The following DLGAP1 variants were observed in gnomAD, a reference collection of about 807,000 sequenced individuals.
DLGAP1 encodes DLG associated protein 1, also known as disks large-associated protein 1.
Under a neutral mutation model 90.8 loss-of-function variants are expected in DLGAP1, and 11 were observed. The ratio of observed to expected loss-of-function variants is 0.12; its 90% CI spans 0.08 to 0.20. The LOEUF (loss-of-function observed/expected upper bound fraction) is 0.20. Ranked by LOEUF, DLGAP1 falls within the 10% of genes least tolerant of loss-of-function variation. The pLI, the probability that DLGAP1 is intolerant of heterozygous loss-of-function variation, is 1.00. For missense variants in DLGAP1, 1,050 were observed against 1,333.8 expected (o/e 0.79, Z 3.31); for synonymous variants, 558 against 540.7 (o/e 1.03, Z -0.44).
chr18:3,549,078 A>G (rs2053227895), intron 9 of DLGAP1, among the ~76,000 whole-genome samples: 1 of 152,174 alleles, frequency 6.6e-6, no homozygotes, highest in African/African-American at 2.4e-5. Flanking sequence ...GGATTATTTC[A>G]TTTCAGGAAA....
chr18:3,920,193 A>G (rs2072235544), intron 3 of DLGAP1, among the ~76,000 whole-genome samples: 1 of 151,930 alleles, frequency 6.6e-6, no homozygotes, highest in South Asian at 2.1e-4. Context: ...AAATACAAAA[A>G]TTAGCCAGGC....
At chr18:4,122,767 A>C in intron 2 of DLGAP1, among the ~76,000 whole-genome samples, 1 of 152,172 alleles carries the variant, frequency 6.6e-6, no homozygotes, top group Non-Finnish European at 1.5e-5. Flanking sequence ...AAAGCTGGAG[A>C]GGCGAGACTT....
At chr18:4,036,745 G>A (rs1163626815) in intron 2 of DLGAP1, among the ~76,000 whole-genome samples, 1 of 152,050 alleles carries the variant, frequency 6.6e-6, no homozygotes, top group African/African-American at 2.4e-5. Context: ...AATTTTTCAG[G>A]GGGGGAAGGC....
intron 1 of DLGAP1, among the ~76,000 whole-genome samples, chr18:4,358,936 A>T: frequency 6.6e-6 from 1 of 152,212 alleles, no homozygotes; most frequent in East Asian, 1.9e-4. Flanking sequence ...TCCGTTCTCC[A>T]TGTGTTTAAC....
intron 3 of DLGAP1, among the ~76,000 whole-genome samples, chr18:3,966,446 G>T (rs1350393703): frequency 6.6e-6 from 1 of 152,144 alleles, no homozygotes; most frequent in African/African-American, 2.4e-5. Flanking sequence ...ATGAACCATT[G>T]GAGGTAAGAG....
intron 1 of DLGAP1, among the ~76,000 whole-genome samples, chr18:4,243,609 A>C (rs2078591372): frequency 6.6e-6 from 1 of 152,224 alleles, no homozygotes; most frequent in African/African-American, 2.4e-5. Context: ...TGAATACAAA[A>C]CAAAACAATG....
chr18:4,053,820 G>C (rs532126445), intron 2 of DLGAP1, among the ~76,000 whole-genome samples: 37 of 152,190 alleles, frequency 2.4e-4, no homozygotes, highest in African/African-American at 8.9e-4. Flanking sequence ...CTTGTTTCTG[G>C]AATTATGGGT....
At chr18:4,149,191 T>C (rs2076632991) in intron 2 of DLGAP1, among the ~76,000 whole-genome samples, 1 of 152,174 alleles carries the variant, frequency 6.6e-6, no homozygotes, top group African/African-American at 2.4e-5. Context: ...AACATGTTGG[T>C]CATACTTTGG....
At chr18:4,015,528 T>G (rs1217404085) in intron 2 of DLGAP1, among the ~76,000 whole-genome samples, 1 of 152,226 alleles carries the variant, frequency 6.6e-6, no homozygotes, top group Non-Finnish European at 1.5e-5. Context: ...TTCCATTGAG[T>G]TGGACTTGGT....
At chr18:3,925,066 C>T (rs970082330) in intron 3 of DLGAP1, among the ~76,000 whole-genome samples, 14 of 152,074 alleles carry the variant, frequency 9.2e-5, no homozygotes, top group African/African-American at 2.9e-4. Context: ...GATTCTCCTG[C>T]CTCAGCCTCC....
chr18:4,072,488 T>C (rs77884771), intron 2 of DLGAP1, among the ~76,000 whole-genome samples: 1 of 126,848 alleles, frequency 7.9e-6, no homozygotes, highest in East Asian at 2.5e-4. Flanking sequence ...TTTTTTTTTT[T>C]GAGACGGAGT....
At chr18:3,719,294 C>G (rs182074727) in intron 7 of DLGAP1, among the ~76,000 whole-genome samples, 1 of 151,860 alleles carries the variant, frequency 6.6e-6, no homozygotes, top group East Asian at 1.9e-4. Flanking sequence ...TGGCCAGGTG[C>G]GGTGGCTCGC....
chr18:4,284,584 A>G (rs1161807585), intron 1 of DLGAP1, among the ~76,000 whole-genome samples: 1 of 152,134 alleles, frequency 6.6e-6, no homozygotes, highest in East Asian at 1.9e-4. Context: ...GTGATGCTGA[A>G]GCTGGTACTC....
intron 1 of DLGAP1, among the ~76,000 whole-genome samples, chr18:4,305,770 T>G (rs755472256): frequency 2.6e-5 from 4 of 152,062 alleles, no homozygotes; most frequent in Admixed American, 2.6e-4. Flanking sequence ...TCATTTTACT[T>G]CAAAGCCTAT....
intron 7 of DLGAP1, among the ~76,000 whole-genome samples, chr18:3,642,969 A>G (rs2058991325): frequency 1.3e-5 from 2 of 152,228 alleles, no homozygotes; most frequent in South Asian, 2.1e-4. Flanking sequence ...ATGCCTCCCC[A>G]CATATGAAAC....
intron 1 of DLGAP1, among the ~76,000 whole-genome samples, chr18:4,306,130 G>C (rs1004781949): frequency 4.6e-5 from 7 of 151,512 alleles, no homozygotes; most frequent in African/African-American, 1.7e-4. Context: ...CAGCAGATAG[G>C]TGATATCTGG....
At chr18:3,523,802 A>G (rs148019252) in intron 10 of DLGAP1, among the ~76,000 whole-genome samples, 1 of 150,644 alleles carries the variant, frequency 6.6e-6, no homozygotes. Flanking sequence ...GAGCTGAGAT[A>G]GCGCCACTGC....
intron 3 of DLGAP1, among the ~76,000 whole-genome samples, chr18:3,907,822 G>A (rs973546462): frequency 6.6e-6 from 1 of 152,204 alleles, no homozygotes; most frequent in South Asian, 2.1e-4. Flanking sequence ...AGGCCAGCGA[G>A]GCCAGGCTGT....
rs143141872 is a variant in DLGAP1 at position 3,977,805 on chromosome 18, G to A, written c.-73+27311C>T. On this transcript the variant is annotated intron_variant, in intron 3 of 12. Coordinates refer to ENST00000315677, the MANE Select transcript of DLGAP1 (RefSeq NM_004746.4). ...GGGTGATGCTGTTAAAGTCAGAGGC[G>A]ACAACCTGGTGCTCAGTGTAGCCCA... The A allele has an allele frequency of 2.8e-3, 1,086 of 387,958 alleles. 10 individuals are homozygous for A. The highest frequency in any genetic ancestry group is 3.9e-3 in the Non-Finnish European group (774 of 200,886). The allele number at this position is 387,958 out of a possible 1,614,324, so 24.0% of individuals were successfully genotyped here.
Sources: gnomAD v4.1 joint callset for allele counts (sites outside exome capture counted in the v4.1 genomes callset) on GRCh38, gnomAD v4.1.1 for gene constraint, MANE v1.5 for transcripts, NCBI Gene and HGNC (gene_info 2026-07-23, HGNC 2026-07-21) for gene names.